Variants in CAPN1 observed in about 807,000 individuals in gnomAD.
CAPN1 encodes calpain 1.
CAPN1 carries 77 observed loss-of-function variants against 105.2 expected under a neutral mutation model. The observed-to-expected ratio is 0.73, with a 90% CI of 0.61 to 0.88. The LOEUF is 0.88. Among genes scored for constraint, CAPN1 ranks in the 40% least tolerant of loss-of-function variants. The pLI is 0.00. For missense variants in CAPN1, 833 were observed against 976.6 expected (o/e 0.85, Z 1.96); for synonymous variants, 355 against 388.8 (o/e 0.91, Z 1.02).
chr11:65,184,868 C>T (rs529029290), intron 4 of CAPN1, among the ~76,000 whole-genome samples: 3 of 152,292 alleles, frequency 2.0e-5, no homozygotes, highest in African/African-American at 4.8e-5. Flanking sequence ...TTTAAGTCTT[C>T]CGTGAAGAAG....
At position 65,210,163 on chromosome 11, in the gene CAPN1, A is replaced by T; in HGVS notation, c.1942+67A>T. ...GGTAGCCCCACTGCTCCTATGCCCC[A>T]GGCCCTTGTCCCTGGGGTGCTAGTG... On this transcript the variant is annotated intron_variant, in intron 19 of 21. Transcript: ENST00000279247. The surrounding 1 kb of genome is among the most constrained non-coding windows in gnomAD (Gnocchi z 4.3). 1 of 1,394,738 alleles carries T rather than the reference A, an allele frequency of 7.2e-7. No individual in the cohort carries two copies. Among genetic ancestry groups the T allele is most frequent in the South Asian group, 1.2e-5 (1 of 86,194 alleles). The allele number at this position is 1,394,738 out of a possible 1,614,324, so 86.4% of individuals were successfully genotyped here. A position where few individuals can be genotyped will look rare whatever the true frequency, so the allele number is the denominator to read the frequency against.
In CAPN1 at chr11:65,209,806, G is replaced by A. The variant is rs768647892; in HGVS notation, c.1795-43G>A. The stretch of plus-strand genomic sequence containing the variant: ...TCTGCACAGTTGCCCACTCTCCCAT[G>A]ACTGGTCTAAGTGATGGAATTTCCT... On this transcript the variant is annotated intron_variant, in intron 17 of 21. Transcript: ENST00000279247. The surrounding 1 kb of genome is among the most constrained non-coding windows in gnomAD (Gnocchi z 4.1). 4.1e-5 allele frequency: 66 copies of A among 1,596,810 alleles called. No individual in the cohort carries two copies. The South Asian group carries it at 6.7e-4, about 16-fold the overall frequency.
At chr11:65,190,691 T>C (rs993378952) in intron 10 of CAPN1, among the ~76,000 whole-genome samples, 5 of 151,562 alleles carry the variant, frequency 3.3e-5, no homozygotes, top group Non-Finnish European at 5.9e-5. Flanking sequence ...TTAGCTGTTT[T>C]TTTTGTTGTT....
In CAPN1 at chr11:65,206,623, A is replaced by G. The variant is rs1270112197; in HGVS notation, c.1514A>G (p.Lys505Arg). Residue 505 changes from lysine to arginine, a missense_variant, in exon 13 of 22, where the codon AAG becomes AGG. Coordinates refer to ENST00000279247, the MANE Select transcript of CAPN1 (RefSeq NM_005186.4). ...VVVPSTFEPN[K>R]EGDFVLRFFS... The stretch of plus-strand genomic sequence containing the variant: ...GTGCCCTCCACCTTCGAGCCCAACA[A>G]GGAGGGCGACTTCGTGCTGCGCTTC... 6.8e-6 allele frequency: 11 copies of G among 1,613,224 alleles called. No individual in the cohort carries two copies. Among genetic ancestry groups the G allele is most frequent in the Admixed American group, 1.7e-5 (1 of 60,002 alleles).
rs767415867 is a variant in CAPN1 at position 65,182,887 on chromosome 11, C to T, written c.186C>T (p.Pro62=). Residue 62 remains proline, a synonymous_variant, in exon 2 of 22, where the codon CCC becomes CCT. Transcript: ENST00000279247. ...CCCTCTTCCGTGATGAGGCCTTCCC[C>T]CCGGTACCCCAGAGCCTGGGTTACA... The part of the protein sequence containing the change: ...SGTLFRDEAF[P]PVPQSLGYKD... 2.5e-6 allele frequency: 4 copies of T among 1,605,874 alleles called. No homozygotes were observed. Among genetic ancestry groups the T allele is most frequent in the Admixed American group, 1.7e-5 (1 of 58,462 alleles).
At chr11:65,199,756 A>T (rs1948840808) in intron 10 of CAPN1, among the ~76,000 whole-genome samples, 1 of 152,198 alleles carries the variant, frequency 6.6e-6, no homozygotes, top group Non-Finnish European at 1.5e-5. Flanking sequence ...TTTCTAGAAG[A>T]TGTAATGGAT....
chr11:65,182,252 A>T, intron 1 of CAPN1: 1 of 83,002 alleles, frequency 1.2e-5, no homozygotes, highest in Non-Finnish European at 2.6e-5. Flanking sequence ...GAGGAGGGGG[A>T]CCCCGACCGT....
rs1948924550 is a variant in CAPN1 at position 65,204,710 on chromosome 11, A to G, written c.1193A>G (p.Lys398Arg). 1 of 1,612,698 alleles carries G rather than the reference A, an allele frequency of 6.2e-7. No homozygotes were observed. Reference sequence around the variant, plus strand: ...ACCTTCTGGGTGAACCCTCAGTTCAAGATCCGGCTGGATGAGACGGATGAC... The same window carrying G: ...ACCTTCTGGGTGAACCCTCAGTTCAGGATCCGGCTGGATGAGACGGATGAC... ...PATFWVNPQF[K>R]IRLDETDDPD... The change falls in exon 11 of 22, where the codon AAG becomes AGG. Residue 398 changes from lysine (K) to arginine (R), a missense_variant. Lys to Arg is a conservative substitution (Grantham distance 26). Transcript: ENST00000279247.
Position 65,182,737 on chromosome 11 carries a change from TG to T in CAPN1, c.40del (p.Val14CysfsTer162). On this transcript the variant is annotated frameshift_variant, in exon 2 of 22. Transcript: ENST00000279247. LOFTEE classifies it high-confidence loss of function. ...EEIITPVYCT[G>X]VSAQVQKQRA... The stretch of plus-strand genomic sequence containing the variant: ...AGATCATCACGCCGGTGTACTGCAC[TG>T]GGGTGTCAGCCCAAGTGCAGAAGCA... The T allele has an allele frequency of 1.3e-6, 2 of 1,582,606 alleles. No homozygotes were observed. Among genetic ancestry groups the T allele is most frequent in the African/African-American group, 1.3e-5 (1 of 74,302 alleles).
intron 21 of CAPN1, 190 bp downstream of exon 21, chr11:65,211,062 G>T: frequency 1.4e-6 from 1 of 737,802 alleles, no homozygotes; most frequent in Admixed American, 2.3e-5. Flanking sequence ...CAGGAGGGGA[G>T]GTCCAGGCCC....
intron 21 of CAPN1, 152 bp downstream of exon 21, chr11:65,211,024 T>G: frequency 1.3e-6 from 1 of 777,820 alleles, no homozygotes; most frequent in East Asian, 2.6e-5. Flanking sequence ...AAGGCTGGGG[T>G]GGGGGTGTCT....
At chr11:65,207,535 A>G (rs1202547147) in intron 14 of CAPN1, among the ~76,000 whole-genome samples, 1 of 151,998 alleles carries the variant, frequency 6.6e-6, no homozygotes, top group African/African-American at 2.4e-5. Context: ...GCTGAACAGC[A>G]TCCCCTTCAT....
At position 65,183,578 on chromosome 11, in the gene CAPN1, A is replaced by C. The variant is rs753257635; in HGVS notation, c.442A>C (p.Ile148Leu). Residue 148 changes from isoleucine to leucine, a missense_variant, in exon 4 of 22, where the codon ATC (isoleucine) becomes CTC (leucine). By Grantham distance (5) the Ile-to-Leu change is conservative. Transcript: ENST00000279247. ...GQSFQNGYAG[I>L]FHFQLWQFGE... ...GAGCTTCCAGAATGGCTATGCCGGC[A>C]TCTTCCATTTCCAGGTGAGGGCTCC... is the stretch of plus-strand genomic sequence containing the variant. 40 of 1,612,652 alleles carry C rather than the reference A, an allele frequency of 2.5e-5. No homozygotes were observed. The African/African-American group carries it at 5.2e-4, about 21-fold the overall frequency.
chr11:65,193,710 T>C (rs1948752212), intron 10 of CAPN1, among the ~76,000 whole-genome samples: 1 of 151,500 alleles, frequency 6.6e-6, no homozygotes, highest in Non-Finnish European at 1.5e-5. Context: ...TCTTTTTCTT[T>C]TATTATTTTT....
At position 65,206,521 on chromosome 11, in the gene CAPN1, G is replaced by A. The variant is rs746787494; in HGVS notation, c.1412G>A (p.Arg471Gln). ...GACTTCTTCCTGGCCAATGCGTCTC[G>A]GGCGCGCTCAGAGCAGTTCATCAAC... ...KRDFFLANAS[R>Q]ARSEQFINLR... The change falls in exon 13 of 22, where the codon CGG becomes CAG. Residue 471 changes from arginine (R) to glutamine (Q), a missense_variant. Transcript: ENST00000279247. The A allele has an allele frequency of 1.2e-5, 19 of 1,613,292 alleles. No homozygotes were observed. Among genetic ancestry groups the A allele is most frequent in the Admixed American group, 1.7e-5 (1 of 60,006 alleles).
chr11:65,207,889 G>A (rs903982656), intron 14 of CAPN1, among the ~76,000 whole-genome samples, 166 bp from the exon 15 acceptor site: 1 of 150,550 alleles, frequency 6.6e-6, no homozygotes, highest in African/African-American at 2.5e-5. Flanking sequence ...ACTCCAGCCT[G>A]GGTGACAGAG....
intron 10 of CAPN1, among the ~76,000 whole-genome samples, chr11:65,195,174 ATC>A (rs1156995487): frequency 7.4e-6 from 1 of 135,336 alleles, no homozygotes; most frequent in East Asian, 2.2e-4. Flanking sequence ...CAGTGGCGCC[ATC>A]TCAGCTCACT....
In CAPN1 at chr11:65,187,452, A is replaced by T. The variant is rs964246223; in HGVS notation, c.843+154A>T. 3 of 620,590 alleles carry T rather than the reference A, an allele frequency of 4.8e-6. No individual in the cohort carries two copies. In the African/African-American group the frequency reaches 5.5e-5, roughly 11 times the overall value. The allele number at this position is 620,590 out of a possible 1,614,324, so 38.4% of individuals were successfully genotyped here. ...TCTCTTCTGGGGACACCCATCTGAG[A>T]TGCCTATCATGTCCTGCCCTGACTG... On this transcript the variant is annotated intron_variant, in intron 7 of 21. Coordinates refer to ENST00000279247, the MANE Select transcript of CAPN1 (RefSeq NM_005186.4).
At chr11:65,194,726 T>C (rs1590856483) in intron 10 of CAPN1, among the ~76,000 whole-genome samples, 1 of 152,236 alleles carries the variant, frequency 6.6e-6, no homozygotes, top group African/African-American at 2.4e-5. Flanking sequence ...TATGGCAGAT[T>C]AATCTTCCAT....
Sources: allele counts gnomAD v4.1 joint callset (sites outside exome capture counted in the v4.1 genomes callset), GRCh38; gene constraint gnomAD v4.1.1; non-coding constraint Gnocchi (gnomAD v3.1); transcripts MANE v1.5; gene names NCBI Gene and HGNC (gene_info 2026-07-23, HGNC 2026-07-21).